The following IGF2BP2 variants were observed in gnomAD, a reference collection of about 807,000 sequenced individuals.
The protein encoded by IGF2BP2 is insulin-like growth factor 2 mRNA-binding protein 2.
IGF2BP2 carries 17 observed loss-of-function variants against 75.8 expected under a neutral mutation model. The observed-to-expected ratio is 0.22, with a 90% confidence interval of 0.15 to 0.34. The LOEUF is 0.34. Among genes scored for constraint, IGF2BP2 ranks in the 10% least tolerant of loss-of-function variants. IGF2BP2 has a pLI of 1.00. For synonymous variants in IGF2BP2, 288 were observed against 295.6 expected, an observed-to-expected ratio of 0.97 and a Z score of 0.26; for missense variants, 516 against 772.4, an observed-to-expected ratio of 0.67 and a Z score of 3.93.
intron 10 of IGF2BP2, among the ~76,000 whole-genome samples, chr3:185,665,320 A>AGGAGGAGG: frequency 2.0e-5 from 1 of 50,114 alleles, no homozygotes; most frequent in Non-Finnish European, 3.8e-5. Context: ...GCAGAAGGAG[A>AGGAGGAGG]AGGAGGAGGA....
chr3:185,679,443 A>G (rs1448952704), intron 7 of IGF2BP2, among the ~76,000 whole-genome samples: 1 of 152,142 alleles, frequency 6.6e-6, no homozygotes, highest in African/African-American at 2.4e-5. Flanking sequence ...CCATTAACAT[A>G]GATTTATAGT....
rs148939401 is a variant in IGF2BP2 at position 185,780,720 on chromosome 3, A to G, written c.239+42433T>C. On this transcript the variant is annotated intron_variant, in intron 2 of 15. Coordinates refer to ENST00000382199, the MANE Select transcript of IGF2BP2 (RefSeq NM_006548.6). ...CATTCCCACGGATGATATGAATTCT[A>G]CCTAAATGAATTACTCACCAGGCTA... is the stretch of plus-strand genomic sequence containing the variant. 2.6e-3 allele frequency among the ~76,000 whole-genome samples: 391 copies of G among 152,298 alleles called. 2 individuals carry two copies. The highest frequency in any genetic ancestry group is 4.1e-3 in the Non-Finnish European group (278 of 68,028).
In IGF2BP2 at chr3:185,794,276, C is replaced by A. The variant is rs1464223371; in HGVS notation, c.239+28877G>T. On this transcript the variant is annotated intron_variant, in intron 2 of 15. Coordinates refer to ENST00000382199, the MANE Select transcript of IGF2BP2 (RefSeq NM_006548.6). ...CCACCACACCTGGCCCAGAGCAGAT[C>A]CTAGAGACCCGGGCTGCCCTCATAT... Among the ~76,000 whole-genome samples, 4 of 132,818 alleles carry A rather than the reference C, an allele frequency of 3.0e-5. 1 individual carries two copies. Among genetic ancestry groups the A allele is most frequent in the African/African-American group, 1.2e-4 (4 of 32,220 alleles). The allele number at this position is 132,818 out of a possible 152,430, so 87.1% of individuals were successfully genotyped here.
At chr3:185,681,281 T>C (rs1320524759) in intron 7 of IGF2BP2, among the ~76,000 whole-genome samples, 1 of 152,192 alleles carries the variant, frequency 6.6e-6, no homozygotes, top group African/African-American at 2.4e-5. Flanking sequence ...TTTACATTTC[T>C]ATACACAACA....
chr3:185,810,572 AAG>A (rs1404759826), intron 2 of IGF2BP2, among the ~76,000 whole-genome samples: 1 of 152,142 alleles, frequency 6.6e-6, no homozygotes, highest in African/African-American at 2.4e-5. Context: ...TCAGGAGTTC[AAG>A]ATCAGCCTGG....
chr3:185,747,446 A>G (rs992478779), intron 2 of IGF2BP2, among the ~76,000 whole-genome samples: 1 of 152,282 alleles, frequency 6.6e-6, no homozygotes, highest in Admixed American at 6.5e-5. Context: ...TGGGAGGCCA[A>G]GAGGGGTGGA....
chr3:185,701,715 A>T (rs890938099), intron 2 of IGF2BP2, among the ~76,000 whole-genome samples: 17 of 152,384 alleles, frequency 1.1e-4, no homozygotes, highest in Admixed American at 4.6e-4. Context: ...ATAATCTCTT[A>T]AAAGCTGGAC....
intron 2 of IGF2BP2, among the ~76,000 whole-genome samples, chr3:185,764,235 T>A (rs561964972): frequency 9.2e-5 from 14 of 151,760 alleles, no homozygotes; most frequent in African/African-American, 3.1e-4. Flanking sequence ...AAAAAAAAAA[T>A]TGCTAATATT....
chr3:185,725,731 G>T (rs1727232100), intron 2 of IGF2BP2, among the ~76,000 whole-genome samples: 1 of 152,160 alleles, frequency 6.6e-6, no homozygotes, highest in Non-Finnish European at 1.5e-5. Flanking sequence ...CAACACTTTG[G>T]GAGGCCAAAG....
intron 4 of IGF2BP2, among the ~76,000 whole-genome samples, chr3:185,696,230 T>C (rs1310197448): frequency 6.6e-6 from 1 of 152,172 alleles, no homozygotes; most frequent in East Asian, 1.9e-4. Flanking sequence ...TGGGTAACAC[T>C]CAGTCCAAGA....
At chr3:185,821,668 A>G (rs2150069097) in intron 2 of IGF2BP2, among the ~76,000 whole-genome samples, 1 of 152,266 alleles carries the variant, frequency 6.6e-6, no homozygotes, top group Middle Eastern at 3.4e-3. Flanking sequence ...AACCCCCAAA[A>G]GTATTCACAA....
chr3:185,656,207 AG>A (rs1395837134), intron 12 of IGF2BP2, among the ~76,000 whole-genome samples: 3 of 152,244 alleles, frequency 2.0e-5, no homozygotes, highest in Non-Finnish European at 2.9e-5. Flanking sequence ...CTCAGGGGTC[AG>A]GCCAGCACCT....
intron 2 of IGF2BP2, among the ~76,000 whole-genome samples, chr3:185,804,597 T>C (rs537514893): frequency 6.6e-6 from 1 of 152,338 alleles, no homozygotes; most frequent in South Asian, 2.1e-4. Flanking sequence ...GAAAACAATA[T>C]AAATTTTTTA....
At chr3:185,737,499 T>C (rs1417420226) in intron 2 of IGF2BP2, among the ~76,000 whole-genome samples, 1 of 152,208 alleles carries the variant, frequency 6.6e-6, no homozygotes, top group Admixed American at 6.5e-5. Context: ...TAAAATCACT[T>C]TGCAGATTAT....
intron 2 of IGF2BP2, among the ~76,000 whole-genome samples, chr3:185,789,180 G>C (rs1408898752): frequency 6.6e-6 from 1 of 152,152 alleles, no homozygotes; most frequent in Non-Finnish European, 1.5e-5. Flanking sequence ...AATGAATCAA[G>C]GAAAGAATCT....
intron 7 of IGF2BP2, among the ~76,000 whole-genome samples, chr3:185,678,586 T>C (rs1270905609): frequency 6.6e-6 from 1 of 152,254 alleles, no homozygotes; most frequent in Non-Finnish European, 1.5e-5. Context: ...GAGTTCCACA[T>C]GCATTTGAGA....
intron 5 of IGF2BP2, among the ~76,000 whole-genome samples, chr3:185,690,139 G>A (rs188234823): frequency 6.6e-6 from 1 of 152,238 alleles, no homozygotes; most frequent in Admixed American, 6.5e-5. Flanking sequence ...TAATCACAAC[G>A]CATCAGCCTG....
chr3:185,749,344 G>A (rs1326704936), intron 2 of IGF2BP2, among the ~76,000 whole-genome samples: 1 of 152,160 alleles, frequency 6.6e-6, no homozygotes, highest in Non-Finnish European at 1.5e-5. Flanking sequence ...AAAAAACTGA[G>A]AAGTTGGGGT....
intron 2 of IGF2BP2, among the ~76,000 whole-genome samples, chr3:185,819,290 A>G (rs530403846): frequency 3.0e-4 from 46 of 152,254 alleles, no homozygotes; most frequent in Admixed American, 2.5e-3. Context: ...AGTTTTATAA[A>G]TTGTTATATT....
Sources: gnomAD v4.1 joint callset for allele counts (sites outside exome capture counted in the v4.1 genomes callset) on GRCh38, gnomAD v4.1.1 for gene constraint, MANE v1.5 for transcripts, NCBI Gene and HGNC (gene_info 2026-07-23, HGNC 2026-07-21) for gene names.